KCNMA1: variants seen among roughly 807,000 people sequenced by gnomAD.
The protein encoded by KCNMA1 is Calcium-activated potassium channel subunit alpha-1.
A neutral mutation model predicts 140.0 loss-of-function variants in KCNMA1; 29 were observed. The observed-to-expected ratio is 0.21, with a 90% CI of 0.15 to 0.28. The LOEUF (loss-of-function observed/expected upper bound fraction) is 0.28. KCNMA1 is among the 10% of genes least tolerant of loss of function. KCNMA1 has a pLI of 1.00. For missense variants in KCNMA1, 880 were observed against 1,602.2 expected, an observed-to-expected ratio of 0.55 and a Z score of 7.70; for synonymous variants, 612 against 611.9, an observed-to-expected ratio of 1.00 and a Z score of 0.00.
chr10:77,053,976 C>G (rs1490138687), intron 14 of KCNMA1, among the ~76,000 whole-genome samples: 1 of 152,124 alleles, frequency 6.6e-6, no homozygotes, highest in African/African-American at 2.4e-5. Context: ...CTTGCCCTGT[C>G]CCATCCTGCT....
At chr10:77,370,736 A>C (rs2154411867) in intron 2 of KCNMA1, among the ~76,000 whole-genome samples, 1 of 152,270 alleles carries the variant, frequency 6.6e-6, no homozygotes, top group South Asian at 2.1e-4. Context: ...GACTCAGCAT[A>C]GGCCAGTGCA....
chr10:77,462,464 T>C (rs1179241898), intron 1 of KCNMA1, among the ~76,000 whole-genome samples: 1 of 152,188 alleles, frequency 6.6e-6, no homozygotes, highest in East Asian at 1.9e-4. Flanking sequence ...CACACAGACA[T>C]GTAAACATAC....
chr10:77,105,741 CAAA>C (rs1159028704), intron 9 of KCNMA1, among the ~76,000 whole-genome samples: 2 of 152,158 alleles, frequency 1.3e-5, no homozygotes, highest in African/African-American at 4.8e-5. Context: ...TTTCCTTTTG[CAAA>C]TGCATTTAAT....
At chr10:77,576,641 G>T (rs977420652) in intron 1 of KCNMA1, among the ~76,000 whole-genome samples, 1 of 152,208 alleles carries the variant, frequency 6.6e-6, no homozygotes. Context: ...ACACAGCCGT[G>T]CAAGAAAGCT....
chr10:76,883,944 C>A, downstream of KCNMA1: 1 of 923,576 alleles, frequency 1.1e-6, no homozygotes, highest in Non-Finnish European at 1.3e-6. Context: ...CCTTCTCCAT[C>A]ATCAAATTTA....
chr10:77,558,725 G>T (rs1289524745), intron 1 of KCNMA1, among the ~76,000 whole-genome samples: 1 of 152,182 alleles, frequency 6.6e-6, no homozygotes, highest in African/African-American at 2.4e-5. Flanking sequence ...CATCTGAAGA[G>T]AAGCCTACAC....
intron 1 of KCNMA1, among the ~76,000 whole-genome samples, chr10:77,551,516 A>T (rs1233272796): frequency 6.6e-6 from 1 of 152,166 alleles, no homozygotes; most frequent in African/African-American, 2.4e-5. Flanking sequence ...CCTGTGCCCC[A>T]CAGTTGATGC....
At chr10:77,368,323 G>C (rs2094488447) in intron 2 of KCNMA1, among the ~76,000 whole-genome samples, 1 of 152,010 alleles carries the variant, frequency 6.6e-6, no homozygotes, top group Non-Finnish European at 1.5e-5. Flanking sequence ...GAGCTTATTT[G>C]CCATCCAAAT....
At chr10:76,900,488 A>G (rs1026473477) in intron 25 of KCNMA1, among the ~76,000 whole-genome samples, 2 of 151,998 alleles carry the variant, frequency 1.3e-5, no homozygotes, top group Non-Finnish European at 1.5e-5. Context: ...TATTTTATAT[A>G]TTTTCTGCTG....
intron 5 of KCNMA1, among the ~76,000 whole-genome samples, chr10:77,179,761 A>G (rs1297213624): frequency 6.6e-6 from 1 of 152,176 alleles, no homozygotes; most frequent in African/African-American, 2.4e-5. Flanking sequence ...AATCTCTCTT[A>G]GCCTCAGTTT....
intron 3 of KCNMA1, among the ~76,000 whole-genome samples, chr10:77,231,647 C>T (rs959659294): frequency 6.6e-5 from 10 of 151,798 alleles, no homozygotes; most frequent in African/African-American, 2.4e-4. Flanking sequence ...AACAGCTGCT[C>T]TGTCTGTGAC....
chr10:77,401,265 T>C (rs113540480), intron 2 of KCNMA1, among the ~76,000 whole-genome samples: 4 of 152,090 alleles, frequency 2.6e-5, no homozygotes, highest in African/African-American at 9.7e-5. Context: ...CGTGCCATTA[T>C]CCTGCCTCAG....
At chr10:77,194,988 A>G (rs1274576640) in intron 3 of KCNMA1, among the ~76,000 whole-genome samples, 3 of 152,208 alleles carry the variant, frequency 2.0e-5, no homozygotes, top group African/African-American at 7.2e-5. Flanking sequence ...GTGATGCTGA[A>G]GGATAATTAT....
At chr10:77,446,374 T>C (rs537811452) in intron 1 of KCNMA1, among the ~76,000 whole-genome samples, 84 of 152,358 alleles carry the variant, frequency 5.5e-4, no homozygotes, top group African/African-American at 1.9e-3. Context: ...TGGTAGCTTC[T>C]GGCCCAGATG....
At chr10:77,353,214 G>A (rs2093100904) in intron 2 of KCNMA1, among the ~76,000 whole-genome samples, 1 of 152,102 alleles carries the variant, frequency 6.6e-6, no homozygotes, top group Non-Finnish European at 1.5e-5. Context: ...TCCTCACTAT[G>A]ATTCACACCC....
chr10:76,910,437 T>A, intron 24 of KCNMA1: 1 of 340,888 alleles, frequency 2.9e-6, no homozygotes, highest in Non-Finnish European at 5.7e-6. Flanking sequence ...GGTAACCAAG[T>A]CCTTTGAGAG....
At chr10:77,386,480 C>T (rs1182868065) in intron 2 of KCNMA1, among the ~76,000 whole-genome samples, 18 of 152,152 alleles carry the variant, frequency 1.2e-4, no homozygotes, top group Admixed American at 9.8e-4. Context: ...CCAAGCTCTA[C>T]CAATTGCCTG....
chr10:77,155,675 C>T (rs967344639), intron 5 of KCNMA1, among the ~76,000 whole-genome samples: 10 of 152,140 alleles, frequency 6.6e-5, no homozygotes, highest in African/African-American at 2.4e-5. Flanking sequence ...GGTTCCTCCA[C>T]CATTACGATC....
chr10:77,092,032 G>A (rs1265886470), intron 9 of KCNMA1: 1 of 152,188 alleles, frequency 6.6e-6, no homozygotes, highest in Non-Finnish European at 1.5e-5. Flanking sequence ...GGCCACCAAG[G>A]TGAGGGAAGA....
Sources: gnomAD v4.1 joint callset for allele counts (sites outside exome capture counted in the v4.1 genomes callset) on GRCh38, gnomAD v4.1.1 for gene constraint, MANE v1.5 for transcripts, NCBI Gene and HGNC (gene_info 2026-07-23, HGNC 2026-07-21) for gene names.